Variants in LDLRAD4 observed in about 807,000 individuals in gnomAD.
LDLRAD4 encodes the protein low-density lipoprotein receptor class A domain-containing protein 4.
In LDLRAD4, 5 loss-of-function variants were observed where a neutral mutation model predicts 17.0. The ratio of observed to expected loss-of-function variants is 0.29; its 90% CI spans 0.15 to 0.62. LDLRAD4 has a LOEUF of 0.62. Ranked by LOEUF, LDLRAD4 falls within the 20% of genes least tolerant of loss-of-function variation. LDLRAD4 has a pLI of 0.84. For synonymous variants in LDLRAD4, 168 were observed against 171.8 expected (o/e 0.98, Z 0.17); for missense variants, 340 against 424.7 (o/e 0.80, Z 1.75).
At position 13,300,802 on chromosome 18, in the gene LDLRAD4, T is replaced by C. The variant is rs1470212231; in HGVS notation, c.-383+22614T>C. Among the ~76,000 whole-genome samples, 1 of 152,202 alleles carries C rather than the reference T, an allele frequency of 6.6e-6. No homozygotes were observed. Among genetic ancestry groups the C allele is most frequent in the Non-Finnish European group, 1.5e-5 (1 of 68,038 alleles). On this transcript the variant is annotated intron_variant, in intron 1 of 5. Transcript: ENST00000359446. This position sits in a 1 kb window ranked among gnomAD's most constrained non-coding sequence, Gnocchi z 4.2. Reference sequence around the variant, plus strand: ...CTCTCTGGAGGCCTCCATCTGGTCTTGCATTTCTGAGGCTGAACAGACACC... The same window carrying C: ...CTCTCTGGAGGCCTCCATCTGGTCTCGCATTTCTGAGGCTGAACAGACACC...
intron 1 of LDLRAD4, among the ~76,000 whole-genome samples, chr18:13,326,669 G>T (rs2081554816): frequency 6.6e-6 from 1 of 152,208 alleles, no homozygotes; most frequent in Non-Finnish European, 1.5e-5. Flanking sequence ...GGGTTTGGCT[G>T]ATGCCTGATG....
intron 3 of LDLRAD4, among the ~76,000 whole-genome samples, chr18:13,505,111 C>T (rs1332601124): frequency 1.3e-5 from 2 of 152,166 alleles, no homozygotes; most frequent in African/African-American, 2.4e-5. Flanking sequence ...GTGATTCCTT[C>T]TGAATAAGGA....
At chr18:13,276,683 G>C (rs898398849), upstream of LDLRAD4, among the ~76,000 whole-genome samples, 1 of 152,252 alleles carries the variant, frequency 6.6e-6, no homozygotes, top group East Asian at 1.9e-4. Context: ...GTGGCAGCTC[G>C]CTTCTCCAAG....
At chr18:13,476,750 G>A (rs2092950796) in intron 3 of LDLRAD4, among the ~76,000 whole-genome samples, 1 of 152,172 alleles carries the variant, frequency 6.6e-6, no homozygotes, top group African/African-American at 2.4e-5. Context: ...GCCTCTGCAG[G>A]ATCTTGAGGC....
chr18:13,242,984 G>A (rs1255249558), intron 1 of LDLRAD4, among the ~76,000 whole-genome samples: 1 of 152,168 alleles, frequency 6.6e-6, no homozygotes, highest in Non-Finnish European at 1.5e-5. Context: ...CTGCCGGCCT[G>A]CTCTGCGCCT....
At chr18:13,312,334 C>T (rs1381436854) in intron 1 of LDLRAD4, among the ~76,000 whole-genome samples, 1 of 152,172 alleles carries the variant, frequency 6.6e-6, no homozygotes, top group Non-Finnish European at 1.5e-5. Flanking sequence ...TCATTATGTA[C>T]ATGCAGATAT....
intron 3 of LDLRAD4, among the ~76,000 whole-genome samples, chr18:13,546,116 G>A (rs889126530): frequency 2.6e-5 from 4 of 152,106 alleles, no homozygotes; most frequent in African/African-American, 9.7e-5. Flanking sequence ...GGTGGGGAGT[G>A]GGTGGTAAAA....
chr18:13,504,168 A>AC (rs1348769972), intron 3 of LDLRAD4, among the ~76,000 whole-genome samples: 1 of 152,204 alleles, frequency 6.6e-6, no homozygotes, highest in East Asian at 1.9e-4. Flanking sequence ...CCGTTCGCTG[A>AC]CCCCCATGCT....
chr18:13,531,412 C>A lies in LDLRAD4; in HGVS notation c.182-89705C>A, dbSNP rs185020146. On this transcript the variant is annotated intron_variant, in intron 3 of 5. Transcript: ENST00000359446. Reference sequence around the variant, plus strand: ...ACTGCTTGACCCCAGGAGTTTGAGACCAGCCTGGGCAACATAGTGAGACCC... The same window carrying A: ...ACTGCTTGACCCCAGGAGTTTGAGAACAGCCTGGGCAACATAGTGAGACCC... 3.1e-3 allele frequency among the ~76,000 whole-genome samples: 458 copies of A among 147,816 alleles called. 1 individual carries two copies. The highest frequency in any genetic ancestry group is 0.011 in the African/African-American group (438 of 39,964).
chr18:13,262,825 C>T (rs1337578159), intron 1 of LDLRAD4, among the ~76,000 whole-genome samples: 1 of 49,934 alleles, frequency 2.0e-5, no homozygotes. Flanking sequence ...CGGCTCCGTG[C>T]GTTGGGGCTG....
At chr18:13,409,371 G>A (rs2088104245) in intron 2 of LDLRAD4, among the ~76,000 whole-genome samples, 1 of 152,152 alleles carries the variant, frequency 6.6e-6, no homozygotes, top group African/African-American at 2.4e-5. Context: ...CTAGGGATCT[G>A]TCCTTAACTA....
intron 3 of LDLRAD4, among the ~76,000 whole-genome samples, chr18:13,541,501 AGGT>A (rs2147948404): frequency 6.6e-6 from 1 of 152,350 alleles, no homozygotes; most frequent in African/African-American, 2.4e-5. Context: ...TGGTCTCCTC[AGGT>A]GGTGGGAGTC....
At chr18:13,598,943 G>A (rs893032244) in intron 3 of LDLRAD4, among the ~76,000 whole-genome samples, 10 of 152,192 alleles carry the variant, frequency 6.6e-5, no homozygotes, top group African/African-American at 2.4e-4. Flanking sequence ...TTTCCACCCT[G>A]TGAATGAACT....
chr18:13,610,545 C>G (rs972414708), intron 3 of LDLRAD4, among the ~76,000 whole-genome samples: 1 of 151,918 alleles, frequency 6.6e-6, no homozygotes, highest in African/African-American at 2.4e-5. Context: ...CCTCGGCCTC[C>G]GAAAGTGCTA....
At chr18:13,644,549 C>T (rs2042896860) in intron 5 of LDLRAD4, among the ~76,000 whole-genome samples, 1 of 147,350 alleles carries the variant, frequency 6.8e-6, no homozygotes, top group Non-Finnish European at 1.5e-5. Context: ...GCCTAGGTGA[C>T]AGAGCCAGAC....
intron 2 of LDLRAD4, among the ~76,000 whole-genome samples, chr18:13,402,178 A>G (rs1451154470): frequency 6.6e-6 from 1 of 152,200 alleles, no homozygotes; most frequent in East Asian, 1.9e-4. Context: ...CAGATCCTTC[A>G]GGCTGTGGGC....
At chr18:13,641,302 T>TAG (rs550262493) in intron 4 of LDLRAD4, among the ~76,000 whole-genome samples, 14 of 151,330 alleles carry the variant, frequency 9.3e-5, no homozygotes, top group East Asian at 3.9e-4. Flanking sequence ...GATAGGTAAA[T>TAG]AGAGAGAGAG....
intron 1 of LDLRAD4, among the ~76,000 whole-genome samples, chr18:13,287,669 C>T (rs1446432668): frequency 6.6e-6 from 1 of 152,202 alleles, no homozygotes; most frequent in African/African-American, 2.4e-5. Context: ...CTACACTCTT[C>T]TGATTTCACA....
chr18:13,639,244 T>C (rs1216592864), intron 4 of LDLRAD4, among the ~76,000 whole-genome samples: 8 of 152,166 alleles, frequency 5.3e-5, no homozygotes, highest in Admixed American at 4.6e-4. Context: ...CAGCCAGCTG[T>C]GTAGTGAGCC....
Sources: allele counts gnomAD v4.1 joint callset (sites outside exome capture counted in the v4.1 genomes callset), GRCh38; gene constraint gnomAD v4.1.1; non-coding constraint Gnocchi (gnomAD v3.1); transcripts MANE v1.5; gene names NCBI Gene and HGNC (gene_info 2026-07-23, HGNC 2026-07-21).